The following IQCM variants were observed in gnomAD, a reference collection of about 807,000 sequenced individuals.
IQCM encodes IQ motif containing M.
A neutral mutation model predicts 57.6 loss-of-function variants in IQCM; 45 were observed. The observed-to-expected ratio is 0.78, with a 90% CI of 0.62 to 1.00. IQCM has a LOEUF of 1.00. Among genes scored for constraint, IQCM ranks in the 50% least tolerant of loss-of-function variants. The pLI, the probability that IQCM is intolerant of heterozygous loss-of-function variation, is 0.00. For synonymous variants in IQCM, 148 were observed against 158.9 expected (o/e 0.93, Z 0.51); for missense variants, 468 against 511.6 (o/e 0.91, Z 0.82).
intron 8 of IQCM, among the ~76,000 whole-genome samples, chr4:149,619,826 T>C (rs1252872668): frequency 6.6e-6 from 1 of 152,182 alleles, no homozygotes; most frequent in Non-Finnish European, 1.5e-5. Context: ...GGTAGGGTCC[T>C]AATCCAATAT....
intron 13 of IQCM, among the ~76,000 whole-genome samples, chr4:149,429,582 C>T (rs1313633404): frequency 1.3e-5 from 2 of 151,834 alleles, no homozygotes; most frequent in East Asian, 3.9e-4. Flanking sequence ...ATTCGTAACT[C>T]TATTTACTCC....
intron 2 of IQCM, among the ~76,000 whole-genome samples, chr4:149,794,806 A>G (rs1389338144): frequency 1.3e-5 from 2 of 152,146 alleles, no homozygotes; most frequent in Non-Finnish European, 2.9e-5. Context: ...ATAGATATAG[A>G]TATTTCAGCT....
At chr4:149,472,659 G>T in intron 12 of IQCM, among the ~76,000 whole-genome samples, 1 of 152,140 alleles carries the variant, frequency 6.6e-6, no homozygotes. Context: ...AGCCCGCATT[G>T]CCAAGACAAT....
At chr4:149,631,895 T>A (rs1056059490) in intron 7 of IQCM, among the ~76,000 whole-genome samples, 2 of 152,156 alleles carry the variant, frequency 1.3e-5, no homozygotes, top group Non-Finnish European at 2.9e-5. Flanking sequence ...AGTCTGTGAG[T>A]CTGAGGCAAA....
intron 7 of IQCM, among the ~76,000 whole-genome samples, chr4:149,651,744 T>C (rs1408351687): frequency 6.6e-6 from 1 of 152,156 alleles, no homozygotes; most frequent in Admixed American, 6.6e-5. Context: ...ACATATGGCC[T>C]AAGAAGATTT....
intron 11 of IQCM, among the ~76,000 whole-genome samples, chr4:149,551,531 CTAAT>C (rs1321234435): frequency 6.6e-6 from 1 of 151,880 alleles, no homozygotes; most frequent in Non-Finnish European, 1.5e-5. Flanking sequence ...GAAGAGAAGA[CTAAT>C]TGAGTAAAAT....
chr4:149,585,067 T>C (rs1036627968), intron 9 of IQCM, among the ~76,000 whole-genome samples: 8 of 151,932 alleles, frequency 5.3e-5, no homozygotes, highest in Middle Eastern at 3.4e-3. Context: ...CTTGTGGGTA[T>C]GTGTAAATTA....
At chr4:149,515,879 A>G (rs1744908100) in intron 12 of IQCM, among the ~76,000 whole-genome samples, 1 of 152,234 alleles carries the variant, frequency 6.6e-6, no homozygotes, top group Non-Finnish European at 1.5e-5. Flanking sequence ...AAAACTGTGA[A>G]GATATATGTA....
intron 11 of IQCM, among the ~76,000 whole-genome samples, chr4:149,552,461 G>A (rs1204539773): frequency 6.6e-6 from 1 of 151,884 alleles, no homozygotes; most frequent in Non-Finnish European, 1.5e-5. Context: ...AAGCAATACT[G>A]AATTCATTAA....
At chr4:149,813,082 G>T (rs760737783) in intron 2 of IQCM, among the ~76,000 whole-genome samples, 1 of 152,012 alleles carries the variant, frequency 6.6e-6, no homozygotes, top group African/African-American at 2.4e-5. Flanking sequence ...ACATGATGGG[G>T]CTGGATTAAG....
intron 2 of IQCM, among the ~76,000 whole-genome samples, chr4:149,751,111 T>C (rs1240118691): frequency 6.6e-6 from 1 of 152,210 alleles, no homozygotes; most frequent in Non-Finnish European, 1.5e-5. Flanking sequence ...GGAGTTGATT[T>C]GTTTAGCCTC....
chr4:149,729,322 T>G (rs1169895861), intron 5 of IQCM, among the ~76,000 whole-genome samples: 1 of 152,204 alleles, frequency 6.6e-6, no homozygotes, highest in African/African-American at 2.4e-5. Context: ...GTTATCTTAC[T>G]TTTTGAACAT....
At chr4:149,365,502 T>C (rs1196765170) in intron 13 of IQCM, among the ~76,000 whole-genome samples, 2 of 152,120 alleles carry the variant, frequency 1.3e-5, no homozygotes, top group African/African-American at 4.8e-5. Flanking sequence ...CCTACCCCCA[T>C]CCTTTGAGTG....
chr4:149,591,120 A>T (rs1408268229), intron 8 of IQCM, among the ~76,000 whole-genome samples: 2 of 152,050 alleles, frequency 1.3e-5, no homozygotes, highest in African/African-American at 2.4e-5. Context: ...TTTTCCCCAC[A>T]TATTTTCTCA....
chr4:149,537,770 C>T (rs1263605240), intron 12 of IQCM, among the ~76,000 whole-genome samples: 1 of 151,680 alleles, frequency 6.6e-6, no homozygotes, highest in Non-Finnish European at 1.5e-5. Flanking sequence ...GACTGATTTC[C>T]CATCAGAATC....
At chr4:149,447,998 T>A (rs1479653425) in intron 12 of IQCM, among the ~76,000 whole-genome samples, 1 of 151,628 alleles carries the variant, frequency 6.6e-6, no homozygotes, top group Non-Finnish European at 1.5e-5. Context: ...AACAAGGATA[T>A]AGAGTTGAAT....
chr4:149,712,330 G>C (rs1453946153), intron 5 of IQCM, among the ~76,000 whole-genome samples: 1 of 151,178 alleles, frequency 6.6e-6, no homozygotes, highest in African/African-American at 2.5e-5. Context: ...TGCAGATACT[G>C]TCATACTGTC....
At chr4:149,444,680 G>GA (rs958818811) in intron 12 of IQCM, among the ~76,000 whole-genome samples, 38 of 144,348 alleles carry the variant, frequency 2.6e-4, no homozygotes, top group South Asian at 1.3e-3. Flanking sequence ...TATGAAAACT[G>GA]AAAAAAAAAC....
chr4:149,646,238 CTATTGTT>C (rs1758624473), intron 7 of IQCM, among the ~76,000 whole-genome samples: 1 of 152,130 alleles, frequency 6.6e-6, no homozygotes, highest in Admixed American at 6.5e-5. Context: ...TTAAATCACT[CTATTGTT>C]TATGTCTCTT....
Sources: allele counts gnomAD v4.1 joint callset (sites outside exome capture counted in the v4.1 genomes callset), GRCh38; gene constraint gnomAD v4.1.1; transcripts MANE v1.5; gene names NCBI Gene and HGNC (gene_info 2026-07-23, HGNC 2026-07-21).